GART: variants seen among roughly 807,000 people sequenced by gnomAD.
The protein encoded by GART is phosphoribosylglycinamide formyltransferase, phosphoribosylglycinamide synthetase, phosphoribosylaminoimidazole synthetase.
In GART, 43 loss-of-function variants were observed where a neutral mutation model predicts 107.2. The ratio of observed to expected loss-of-function variants is 0.40; its 90% CI spans 0.31 to 0.52. The LOEUF is 0.52. Ranked by LOEUF, GART falls within the 20% of genes least tolerant of loss-of-function variation. GART has a pLI of 0.52. For missense variants in GART, 1,107 were observed against 1,206.5 expected, an observed-to-expected ratio of 0.92 and a Z score of 1.22; for synonymous variants, 434 against 427.0, an observed-to-expected ratio of 1.02 and a Z score of -0.20.
At position 33,525,904 on chromosome 21, in the gene GART, C is replaced by G. The variant is rs1206674431; in HGVS notation, c.1067-904G>C. On this transcript the variant is annotated intron_variant, in intron 10 of 21. Transcript: ENST00000381815. The stretch of plus-strand genomic sequence containing the variant: ...TTTTTTTTTGAGACAGAGTCTCGCT[C>G]TGTCGCCCAGGCTGGTGTGCAGTGG... Among the ~76,000 whole-genome samples, 4 of 142,700 alleles carry G rather than the reference C, an allele frequency of 2.8e-5. No homozygotes were observed. In the Admixed American group the frequency reaches 2.9e-4, roughly 10 times the overall value. 93.6% of individuals were successfully genotyped at this position (142,700 alleles called of 152,430 possible). A position where few individuals can be genotyped will look rare whatever the true frequency, so the allele number is the denominator to read the frequency against.
intron 16 of GART, among the ~76,000 whole-genome samples, chr21:33,516,526 T>C (rs1191788721): frequency 6.6e-6 from 1 of 152,228 alleles, no homozygotes; most frequent in East Asian, 1.9e-4. Flanking sequence ...CTCTTCTTCC[T>C]ATGTTAATGA....
At chr21:33,521,819 C>T (rs1484899719) in intron 12 of GART, among the ~76,000 whole-genome samples, 2 of 151,336 alleles carry the variant, frequency 1.3e-5, no homozygotes, top group Non-Finnish European at 2.9e-5. Flanking sequence ...ATTAGCCAGG[C>T]ATGATGGTGG....
chr21:33,520,802 T>C, intron 13 of GART, 104 bp downstream of exon 13: 1 of 866,614 alleles, frequency 1.2e-6, no homozygotes, highest in Non-Finnish European at 1.8e-6. Context: ...TTATTTGGCA[T>C]GGTCCTTTTT....
chr21:33,534,597 G>A lies in GART; in HGVS notation c.398C>T (p.Ala133Val), dbSNP rs771362138. The A allele has an allele frequency of 4.3e-6, 7 of 1,613,984 alleles. No individual in the cohort carries two copies. The highest frequency in any genetic ancestry group is 2.2e-5 in the East Asian group (1 of 44,882). Reference protein sequence around the residue: ...QWKAFTKPEEACSFILSADFP... With the variant: ...QWKAFTKPEEVCSFILSADFP... Reference sequence around the variant, plus strand: ...TACCTACCTCAAAATGAAGCTGCAGGCTTCTTCAGGTTTGGTGAAAGCCTT... The same window carrying A: ...TACCTACCTCAAAATGAAGCTGCAGACTTCTTCAGGTTTGGTGAAAGCCTT... Residue 133 changes from alanine to valine, a missense_variant, in exon 4 of 22, where the codon GCC (alanine) becomes GTC (valine). Physicochemically the swap from Ala to Val is moderately conservative, Grantham distance 64 (BLOSUM62 0). Coordinates refer to ENST00000381815, the MANE Select transcript of GART (RefSeq NM_000819.5).
intron 9 of GART, 48 bp from the exon 10 acceptor site, chr21:33,528,383 C>A: frequency 6.2e-7 from 1 of 1,600,106 alleles, no homozygotes; most frequent in Non-Finnish European, 8.5e-7. Flanking sequence ...TTTAGTTTTC[C>A]TTAAACATTT....
chr21:33,521,426 T>C lies in GART; in HGVS notation c.1394-411A>G, dbSNP rs1011097231. Among the ~76,000 whole-genome samples, 5 of 149,328 alleles carry C rather than the reference T, an allele frequency of 3.3e-5. No homozygotes were observed. In the East Asian group the frequency reaches 6.0e-4, roughly 18 times the overall value. On this transcript the variant is annotated intron_variant, in intron 12 of 21. Transcript: ENST00000381815. ...GCGGGTGGATCACAAGGTCAGGAGATCGAGACCATCCTGGTTAACACAGTG... is the reference window on the plus strand; with the variant it reads ...GCGGGTGGATCACAAGGTCAGGAGACCGAGACCATCCTGGTTAACACAGTG...
rs544292791 is a variant in GART, at chr21:33,510,694, G to A, written c.2314+558C>T. On this transcript the variant is annotated intron_variant, in intron 17 of 21. Coordinates refer to ENST00000381815, the MANE Select transcript of GART (RefSeq NM_000819.5). ...TATCTTTCCGGCATTTGGAGAACCC[G>A]CTTGAAAATGAATCCTACACAATAG... is the stretch of plus-strand genomic sequence containing the variant. Among the ~76,000 whole-genome samples the A allele has an allele frequency of 3.9e-5, 6 of 152,272 alleles. No individual in the cohort carries two copies. In the East Asian group the frequency reaches 9.6e-4, roughly 24 times the overall value.
At chr21:33,506,326 T>C (rs532637239) in intron 18 of GART, among the ~76,000 whole-genome samples, 2 of 152,144 alleles carry the variant, frequency 1.3e-5, no homozygotes, top group Non-Finnish European at 2.9e-5. Flanking sequence ...GTATTTTTAG[T>C]AGAGATGGGG....
chr21:33,517,085 G>C lies in GART; in HGVS notation c.2011C>G (p.Arg671Gly), dbSNP rs200921953. The change falls in exon 16 of 22, where the codon CGT becomes GGT. Residue 671 changes from arginine to glycine, a missense_variant. By Grantham distance (125) the Arg-to-Gly change is moderately radical (BLOSUM62 -2). Coordinates refer to ENST00000381815, the MANE Select transcript of GART (RefSeq NM_000819.5). ...GCAAAGGCTTTGACATGTCCTGAAC[G>C]TAGGACAGGTAACAGTGAATGGCTG... Reference protein sequence around the residue: ...IYSHSLLPVLRSGHVKAFAHI... With the variant: ...IYSHSLLPVLGSGHVKAFAHI... The C allele has an allele frequency of 6.2e-7, 1 of 1,613,192 alleles. No homozygotes were observed. The highest frequency in any genetic ancestry group is 8.5e-7 in the Non-Finnish European group (1 of 1,179,254).
At chr21:33,506,838 G>T (rs2084690991) in intron 18 of GART, among the ~76,000 whole-genome samples, 1 of 152,158 alleles carries the variant, frequency 6.6e-6, no homozygotes, top group Non-Finnish European at 1.5e-5. Context: ...ATTATCATCA[G>T]AGAAATGCAA....
At chr21:33,513,440 C>A (rs536918188) in intron 16 of GART, among the ~76,000 whole-genome samples, 16 of 152,140 alleles carry the variant, frequency 1.1e-4, no homozygotes, top group Middle Eastern at 3.4e-3. Context: ...CGTGGAGACG[C>A]ACATCTGTAA....
chr21:33,528,311 C>A lies in GART; in HGVS notation c.922G>T (p.Asp308Tyr). ...GTGGACTGAATCACTTCATAAAGAT[C>A]ACTTTTAAGAAGTGGGAGGATTACC... Reference protein sequence around the residue: ...CQVILPLLKSDLYEVIQSTLD... With the variant: ...CQVILPLLKSYLYEVIQSTLD... The change falls in exon 10 of 22, where the codon GAT becomes TAT. Residue 308 changes from aspartate (D) to tyrosine (Y), a missense_variant. Physicochemically the swap from Asp to Tyr is radical, Grantham distance 160. Coordinates refer to ENST00000381815, the MANE Select transcript of GART (RefSeq NM_000819.5). The A allele has an allele frequency of 6.2e-7, 1 of 1,614,024 alleles. No homozygotes were observed. Among genetic ancestry groups the A allele is most frequent in the South Asian group, 1.1e-5 (1 of 91,022 alleles).
intron 16 of GART, among the ~76,000 whole-genome samples, chr21:33,512,984 C>A (rs936552676): frequency 6.6e-6 from 1 of 151,266 alleles, no homozygotes; most frequent in Non-Finnish European, 1.5e-5. Context: ...GGCGTGATCT[C>A]GACTCACTGC....
At position 33,532,372 on chromosome 21, in the gene GART, G is replaced by C. The variant is rs1454756424; in HGVS notation, c.501C>G (p.Ala167=). 17 of 1,613,808 alleles carry C rather than the reference G, an allele frequency of 1.1e-5. No homozygotes were observed. Among genetic ancestry groups the C allele is most frequent in the Non-Finnish European group, 1.4e-5 (16 of 1,179,928 alleles). The part of the protein sequence containing the change: ...GVIVAKSKEE[A]CKAVQEIMQE... ...GCATGATCTCTTGTACAGCTTTGCAGGCCTCTTCTTTGCTCTTTGCAACAA... is the reference window on the plus strand; with the variant it reads ...GCATGATCTCTTGTACAGCTTTGCACGCCTCTTCTTTGCTCTTTGCAACAA... The change falls in exon 5 of 22, where the codon GCC becomes GCG. Residue 167 remains alanine, a synonymous_variant. Coordinates refer to ENST00000381815, the MANE Select transcript of GART (RefSeq NM_000819.5).
chr21:33,531,033 A>C (rs2085177861), intron 6 of GART, 149 bp from the exon 7 acceptor site: 1 of 540,894 alleles, frequency 1.8e-6, no homozygotes, highest in African/African-American at 2.0e-5. Flanking sequence ...CGTCAATAAC[A>C]TTAAGCTACA....
chr21:33,509,688 ACT>A, intron 18 of GART, 93 bp downstream of exon 18: 1 of 1,308,096 alleles, frequency 7.6e-7, no homozygotes, highest in Non-Finnish European at 1.1e-6. Flanking sequence ...CAGTCCCTAG[ACT>A]CTGCCGAGAG....
chr21:33,522,580 G>A (rs1038073586), intron 11 of GART, among the ~76,000 whole-genome samples: 9 of 152,286 alleles, frequency 5.9e-5, no homozygotes, highest in Admixed American at 4.6e-4. Context: ...CTCACAGGCT[G>A]CTAAATATAC....
chr21:33,530,474 G>A (rs551526394), intron 7 of GART, among the ~76,000 whole-genome samples: 11 of 152,238 alleles, frequency 7.2e-5, no homozygotes, highest in South Asian at 2.1e-4. Context: ...CCAAGACCAC[G>A]ACAGGCTCCC....
intron 16 of GART, among the ~76,000 whole-genome samples, chr21:33,514,178 G>T (rs1165852682): frequency 2.6e-5 from 4 of 152,100 alleles, no homozygotes; most frequent in Non-Finnish European, 4.4e-5. Context: ...TGAGGTCGGA[G>T]AATCACTTGA....
Sources: gnomAD v4.1 joint callset for allele counts (sites outside exome capture counted in the v4.1 genomes callset) on GRCh38, gnomAD v4.1.1 for gene constraint, MANE v1.5 for transcripts, NCBI Gene and HGNC (gene_info 2026-07-23, HGNC 2026-07-21) for gene names.